GRHL2: variants seen among roughly 807,000 people sequenced by gnomAD.
The protein encoded by GRHL2 is grainyhead-like protein 2 homolog.
In GRHL2, 21 loss-of-function variants were observed where a neutral mutation model predicts 83.8. The ratio of observed to expected loss-of-function variants is 0.25; its 90% CI spans 0.18 to 0.36. GRHL2 has a LOEUF of 0.36. Ranked by LOEUF, GRHL2 falls within the 10% of genes least tolerant of loss-of-function variation. The pLI is 1.00. For synonymous variants in GRHL2, 280 were observed against 278.9 expected, an observed-to-expected ratio of 1.00 and a Z score of -0.04; for missense variants, 623 against 781.8, an observed-to-expected ratio of 0.80 and a Z score of 2.42.
In GRHL2 at chr8:101,611,219, G is replaced by C. The variant is rs542904231; in HGVS notation, c.1099-8320G>C. On this transcript the variant is annotated intron_variant, in intron 8 of 15. Coordinates refer to ENST00000646743, the MANE Select transcript of GRHL2 (RefSeq NM_024915.4). ...TGAAGTCGTCCTTGCCTATGTGCAC[G>C]AATGGGTAAAGACTCCTTAAACAAA... is the stretch of plus-strand genomic sequence containing the variant. 4.0e-5 allele frequency among the ~76,000 whole-genome samples: 6 copies of C among 151,240 alleles called. No individual in the cohort carries two copies. The South Asian group carries it at 1.2e-3, about 31-fold the overall frequency.
At chr8:101,611,145 A>G (rs1178037005) in intron 8 of GRHL2, among the ~76,000 whole-genome samples, 2 of 151,190 alleles carry the variant, frequency 1.3e-5, no homozygotes, top group East Asian at 3.9e-4. Context: ...TCCCGGGATT[A>G]GTTTTAAAAG....
At chr8:101,508,034 C>A (rs1257076170) in intron 1 of GRHL2, among the ~76,000 whole-genome samples, 1 of 152,096 alleles carries the variant, frequency 6.6e-6, no homozygotes, top group African/African-American at 2.4e-5. Context: ...GATCCACCCG[C>A]CTTGAACTCC....
In GRHL2 at chr8:101,558,788, G is replaced by A; in HGVS notation, c.654G>A (p.Glu218=). ...GCACTCCGGACAGCACATACAGCGA[G>A]AGCTTCAAGGACGCAGCCACAGAGG... ...QRSTPDSTYS[E]SFKDAATEKF... The change falls in exon 4 of 16, where the codon GAG becomes GAA. Residue 218 remains glutamate (E), a synonymous_variant. Transcript: ENST00000646743. 1 of 1,614,110 alleles carries A rather than the reference G, an allele frequency of 6.2e-7. No homozygotes were observed. The highest frequency in any genetic ancestry group is 8.5e-7 in the Non-Finnish European group (1 of 1,180,008).
At chr8:101,531,759 T>C (rs905148814) in intron 1 of GRHL2, among the ~76,000 whole-genome samples, 1 of 152,120 alleles carries the variant, frequency 6.6e-6, no homozygotes, top group Non-Finnish European at 1.5e-5. Flanking sequence ...ATCCTTTTAC[T>C]TAATAGGTGA....
intron 8 of GRHL2, among the ~76,000 whole-genome samples, chr8:101,607,236 C>T (rs1462652863): frequency 6.6e-6 from 1 of 152,194 alleles, no homozygotes; most frequent in Admixed American, 6.5e-5. Flanking sequence ...ATCATGCTTT[C>T]CAAAGGGCTG....
At chr8:101,563,733 T>A (rs1424364218) in intron 4 of GRHL2, among the ~76,000 whole-genome samples, 1 of 152,186 alleles carries the variant, frequency 6.6e-6, no homozygotes, top group Non-Finnish European at 1.5e-5. Flanking sequence ...TTTTTTTGTT[T>A]TTTTGTTTTT....
chr8:101,677,609 T>G, the GRHL2 span, among the ~76,000 whole-genome samples: 2 of 152,130 alleles, frequency 1.3e-5, no homozygotes, highest in Non-Finnish European at 2.9e-5. Flanking sequence ...GGTGAGTATT[T>G]AATAAGAGTT....
chr8:101,493,466 ATTGT>A (rs1056784987), intron 1 of GRHL2, among the ~76,000 whole-genome samples: 1 of 130,000 alleles, frequency 7.7e-6, no homozygotes, highest in Non-Finnish European at 1.7e-5. Context: ...CCGCCCCCGC[ATTGT>A]TTGGCCACCT....
rs536826276 is a variant in GRHL2, at chr8:101,617,484, C to A, written c.1099-2055C>A. Among the ~76,000 whole-genome samples the A allele has an allele frequency of 1.4e-4, 22 of 152,216 alleles. No individual in the cohort carries two copies. In the East Asian group the frequency reaches 4.2e-3, roughly 29 times the overall value. On this transcript the variant is annotated intron_variant, in intron 8 of 15. Transcript: ENST00000646743. ...ACTAGATCAGGTCTAGTAGTTAAAT[C>A]AAAAATTCAAAAGGCTTTTATTTTA... is the stretch of plus-strand genomic sequence containing the variant.
intron 8 of GRHL2, among the ~76,000 whole-genome samples, chr8:101,603,036 C>T (rs1311150114): frequency 6.6e-6 from 1 of 152,130 alleles, no homozygotes. Flanking sequence ...CTTCTGAATG[C>T]TCACAATAGT....
intron 14 of GRHL2, among the ~76,000 whole-genome samples, chr8:101,662,830 TG>T (rs1813950931): frequency 6.6e-6 from 1 of 151,468 alleles, no homozygotes; most frequent in African/African-American, 2.4e-5. Context: ...AATATGTTGG[TG>T]GGTCCTTCAA....
At chr8:101,547,905 C>T (rs953777577) in intron 2 of GRHL2, among the ~76,000 whole-genome samples, 3 of 152,216 alleles carry the variant, frequency 2.0e-5, no homozygotes, top group Admixed American at 1.3e-4. Context: ...GTTGTGCGAC[C>T]TTTCCATGAA....
intron 7 of GRHL2, among the ~76,000 whole-genome samples, 182 bp downstream of exon 7, chr8:101,577,701 G>A (rs934702865): frequency 7.9e-5 from 12 of 152,204 alleles, no homozygotes; most frequent in South Asian, 2.1e-4. Context: ...AGGCTAAGCC[G>A]AGAGCAAAGC....
chr8:101,564,703 T>C (rs1047549064), intron 4 of GRHL2, among the ~76,000 whole-genome samples: 1 of 149,450 alleles, frequency 6.7e-6, no homozygotes, highest in Non-Finnish European at 1.5e-5. Context: ...TCCGAGCTGC[T>C]TGGGAGGCTG....
chr8:101,552,993 A>G (rs1362329098), intron 3 of GRHL2, among the ~76,000 whole-genome samples: 1 of 152,162 alleles, frequency 6.6e-6, no homozygotes, highest in African/African-American at 2.4e-5. Flanking sequence ...CACCCTCTTC[A>G]GATACCCCTC....
At chr8:101,568,400 A>G (rs1342080996) in intron 4 of GRHL2, among the ~76,000 whole-genome samples, 1 of 152,158 alleles carries the variant, frequency 6.6e-6, no homozygotes, top group African/African-American at 2.4e-5. Context: ...CAGTTCCTTC[A>G]GTTAATCCAG....
downstream of GRHL2, among the ~76,000 whole-genome samples, chr8:101,671,886 GA>G (rs1404022939): frequency 1.3e-5 from 2 of 151,660 alleles, no homozygotes; most frequent in Non-Finnish European, 2.9e-5. Context: ...CACCAATATC[GA>G]CTGTTCTACA....
intron 7 of GRHL2, among the ~76,000 whole-genome samples, chr8:101,594,537 G>T (rs370280441): frequency 6.6e-6 from 1 of 152,296 alleles, no homozygotes; most frequent in Non-Finnish European, 1.5e-5. Context: ...TTTATTTGTC[G>T]GACAACTATG....
chr8:101,656,602 C>T (rs1471888621), intron 14 of GRHL2, among the ~76,000 whole-genome samples: 1 of 152,210 alleles, frequency 6.6e-6, no homozygotes, highest in Non-Finnish European at 1.5e-5. Context: ...AAGAAGTAGT[C>T]TGTGTGGTGT....
Sources: allele counts gnomAD v4.1 joint callset (sites outside exome capture counted in the v4.1 genomes callset), GRCh38; gene constraint gnomAD v4.1.1; transcripts MANE v1.5; gene names NCBI Gene and HGNC (gene_info 2026-07-23, HGNC 2026-07-21).